Variants in RIGI observed in about 807,000 individuals in gnomAD.
RIGI encodes antiviral innate immune response receptor RIG-I.
At chr9:32,488,211 A>G in the RIGI span, 3 of 1,612,086 alleles carry the variant, frequency 1.9e-6, no homozygotes, top group Non-Finnish European at 2.5e-6. Context: ...TACCTGGGAA[A>G]TGACAGAAAT....
chr9:32,487,378 AG>A, the RIGI span: 1 of 1,207,204 alleles, frequency 8.3e-7, no homozygotes, highest in African/African-American at 1.5e-5. Flanking sequence ...AAACAGAGAG[AG>A]GGTCAAAGTT....
the RIGI span, chr9:32,493,659 G>A: frequency 1.3e-6 from 1 of 755,642 alleles, no homozygotes; most frequent in East Asian, 3.0e-5. Context: ...GTACTTTTGT[G>A]GGTTTCAATG....
the RIGI span, chr9:32,481,590 T>A: frequency 1.1e-6 from 1 of 902,086 alleles, no homozygotes; most frequent in Non-Finnish European, 1.6e-6. Flanking sequence ...TTCTTTTTCT[T>A]TTTTTTTTTC....
chr9:32,493,819 T>C, the RIGI span: 5 of 1,610,900 alleles, frequency 3.1e-6, no homozygotes. Context: ...AGAAATGATA[T>C]CGGTTGGGAT....
At chr9:32,466,896 G>A in the RIGI span, among the ~76,000 whole-genome samples, 1 of 152,068 alleles carries the variant, frequency 6.6e-6, no homozygotes, top group Non-Finnish European at 1.5e-5. Context: ...GCTCTAAGAT[G>A]AGCAGTAAAC....
chr9:32,493,682 T>C, the RIGI span: 1 of 963,432 alleles, frequency 1.0e-6, no homozygotes, highest in Non-Finnish European at 1.5e-6. Flanking sequence ...CTTTCTCAGG[T>C]CTAAAACAGT....
chr9:32,506,228 T>C, the RIGI span, among the ~76,000 whole-genome samples: 1 of 151,984 alleles, frequency 6.6e-6, no homozygotes. Context: ...AATCAATCAA[T>C]CAATCAATCC....
the RIGI span, among the ~76,000 whole-genome samples, chr9:32,511,309 A>G: frequency 6.6e-6 from 1 of 152,190 alleles, no homozygotes; most frequent in Admixed American, 6.6e-5. Flanking sequence ...CATCATACTT[A>G]TTCTAAAATT....
chr9:32,501,362 G>A, the RIGI span, among the ~76,000 whole-genome samples: 1 of 151,076 alleles, frequency 6.6e-6, no homozygotes, highest in South Asian at 2.1e-4. Context: ...TTAATTAGTT[G>A]GGTGTGGTGG....
the RIGI span, chr9:32,500,901 C>A: frequency 6.2e-7 from 1 of 1,614,084 alleles, no homozygotes; most frequent in Non-Finnish European, 8.5e-7. Flanking sequence ...TCCATTGGGC[C>A]CTTGTTGTTT....
chr9:32,471,433 G>C, the RIGI span, among the ~76,000 whole-genome samples: 2 of 152,118 alleles, frequency 1.3e-5, no homozygotes, highest in African/African-American at 4.8e-5. Flanking sequence ...CATCTATTCA[G>C]TCAAACATTT....
the RIGI span, among the ~76,000 whole-genome samples, chr9:32,457,803 G>C: frequency 5.9e-5 from 9 of 152,158 alleles, no homozygotes; most frequent in African/African-American, 1.9e-4. Flanking sequence ...AAGGATACAG[G>C]GAAAACGACC....
chr9:32,490,921 T>C, the RIGI span, among the ~76,000 whole-genome samples: 1 of 152,282 alleles, frequency 6.6e-6, no homozygotes, highest in East Asian at 1.9e-4. Context: ...AGCCCAGGGA[T>C]CCTAAAAGGA....
At chr9:32,472,974 C>A in the RIGI span, 1 of 1,604,556 alleles carries the variant, frequency 6.2e-7, no homozygotes, top group Middle Eastern at 1.7e-4. Flanking sequence ...TATATAAATA[C>A]CTGTGTTCTG....
the RIGI span, chr9:32,489,317 C>T: frequency 6.6e-7 from 1 of 1,514,116 alleles, no homozygotes; most frequent in South Asian, 1.2e-5. Flanking sequence ...AACAGAAAAA[C>T]TATGTAAGTA....
chr9:32,495,000 CTCA>C, the RIGI span, among the ~76,000 whole-genome samples: 1 of 152,142 alleles, frequency 6.6e-6, no homozygotes, highest in Non-Finnish European at 1.5e-5. Flanking sequence ...GTGCAAATAT[CTCA>C]TCAATACCTT....
At chr9:32,504,038 A>AACACACACACACACACACAC in the RIGI span, among the ~76,000 whole-genome samples, 14,781 of 135,402 alleles carry the variant, frequency 0.11, 1,026 homozygotes, top group Non-Finnish European at 0.14. Context: ...CAAGACTCCA[A>AACACACACACACACACACAC]ACACACACAC....
chr9:32,497,904 T>C, the RIGI span, among the ~76,000 whole-genome samples: 2 of 152,244 alleles, frequency 1.3e-5, no homozygotes, highest in African/African-American at 4.8e-5. Flanking sequence ...CTTATTCAAT[T>C]TTTAAAATGA....
chr9:32,469,486 CTG>C, the RIGI span, among the ~76,000 whole-genome samples: 1 of 152,142 alleles, frequency 6.6e-6, no homozygotes, highest in East Asian at 1.9e-4. Context: ...AAAGGGAAAA[CTG>C]TGAAGCAGAT....
Sources: allele counts gnomAD v4.1 joint callset (sites outside exome capture counted in the v4.1 genomes callset), GRCh38; gene constraint gnomAD v4.1.1; transcripts MANE v1.5; gene names NCBI Gene and HGNC (gene_info 2026-07-23, HGNC 2026-07-21).